Variants in ECPAS observed in about 807,000 individuals in gnomAD.
The protein encoded by ECPAS is Ecm29 proteasome adaptor and scaffold.
ECPAS carries 70 observed loss-of-function variants against 255.1 expected under a neutral mutation model. The observed-to-expected ratio is 0.27, with a 90% CI of 0.23 to 0.33. The LOEUF (loss-of-function observed/expected upper bound fraction) is 0.33. Ranked by LOEUF, ECPAS falls within the 10% of genes least tolerant of loss-of-function variation. The pLI, the probability that ECPAS is intolerant of heterozygous loss-of-function variation, is 1.00. For synonymous variants in ECPAS, 784 were observed against 775.0 expected, an observed-to-expected ratio of 1.01 and a Z score of -0.19; for missense variants, 1,817 against 2,206.4, an observed-to-expected ratio of 0.82 and a Z score of 3.54.
chr9:111,434,546 T>A (rs1233802244), intron 7 of ECPAS, among the ~76,000 whole-genome samples: 2 of 151,480 alleles, frequency 1.3e-5, no homozygotes, highest in Non-Finnish European at 2.9e-5. Context: ...AGCAAAACTG[T>A]AGACAGATGA....
intron 2 of ECPAS, among the ~76,000 whole-genome samples, chr9:111,451,899 CA>C (rs1276854379): frequency 1.3e-5 from 2 of 152,214 alleles, no homozygotes. Flanking sequence ...AAACTTTAAT[CA>C]GATACCATCA....
chr9:111,454,256 A>G (rs1299420200), intron 2 of ECPAS, among the ~76,000 whole-genome samples: 2 of 145,276 alleles, frequency 1.4e-5, no homozygotes, highest in East Asian at 4.4e-4. Flanking sequence ...AACTCTTCAT[A>G]ATAAACTGAC....
At chr9:111,467,725 ATT>A (rs1312350884) in intron 2 of ECPAS, among the ~76,000 whole-genome samples, 2 of 152,226 alleles carry the variant, frequency 1.3e-5, no homozygotes, top group Non-Finnish European at 2.9e-5. Flanking sequence ...AGAAAGAAAT[ATT>A]CTCTCTAATG....
intron 2 of ECPAS, among the ~76,000 whole-genome samples, chr9:111,464,040 C>G (rs1589229488): frequency 6.6e-6 from 1 of 152,146 alleles, no homozygotes; most frequent in Non-Finnish European, 1.5e-5. Flanking sequence ...AATAAATTAA[C>G]AGTGATAGTT....
rs1282400347 is a variant in ECPAS, at chr9:111,480,287, C to CTTTTTT, written c.-83+3828_-83+3829insAAAAAA. On this transcript the variant is annotated intron_variant, in intron 1 of 49. Coordinates refer to ENST00000684092, the MANE Select transcript of ECPAS (RefSeq NM_001364929.1). Reference sequence around the variant, plus strand: ...TTTTTAGTGGAATTCTTAAAAGCACCTTTTCTTTTTTTTTTTTTTTTTTTT... The same window carrying CTTTTTT: ...TTTTTAGTGGAATTCTTAAAAGCACCTTTTTTTTTTCTTTTTTTTTTTTTTTTTTTT... Among the ~76,000 whole-genome samples, 4 of 113,696 alleles carry CTTTTTT rather than the reference C, an allele frequency of 3.5e-5. 1 individual carries two copies. The highest frequency in any genetic ancestry group is 1.4e-4 in the African/African-American group (4 of 29,440). The allele number at this position is 113,696 out of a possible 152,430, so 74.6% of individuals were successfully genotyped here. A position where few individuals can be genotyped will look rare whatever the true frequency, so the allele number is the denominator to read the frequency against.
chr9:111,403,016 C>T (rs541126120), intron 24 of ECPAS, among the ~76,000 whole-genome samples: 1 of 151,964 alleles, frequency 6.6e-6, no homozygotes, highest in Non-Finnish European at 1.5e-5. Context: ...TACAGAATGG[C>T]TCAATGAATA....
At chr9:111,426,761 G>A (rs1329026370) in intron 10 of ECPAS, among the ~76,000 whole-genome samples, 9 of 151,672 alleles carry the variant, frequency 5.9e-5, no homozygotes, top group Admixed American at 5.3e-4. Flanking sequence ...GAGCCCAGGA[G>A]TTCTAGACCA....
chr9:111,391,054 G>A (rs2098159072), intron 29 of ECPAS, among the ~76,000 whole-genome samples: 1 of 152,092 alleles, frequency 6.6e-6, no homozygotes, highest in South Asian at 2.1e-4. Flanking sequence ...GGACATAAAG[G>A]GCCAGGCTCC....
chr9:111,375,102 A>G lies in ECPAS; in HGVS notation c.4110+11T>C. On this transcript the variant is annotated intron_variant, in intron 38 of 49. Coordinates refer to ENST00000684092, the MANE Select transcript of ECPAS (RefSeq NM_001364929.1). ...AAGATGCACATTTCCTCTTGTGGAAAGTACACTTACCTTAGTTCCAAGACC... is the reference window on the plus strand; with the variant it reads ...AAGATGCACATTTCCTCTTGTGGAAGGTACACTTACCTTAGTTCCAAGACC... The G allele has an allele frequency of 1.3e-6, 2 of 1,594,222 alleles. No homozygotes were observed. Among genetic ancestry groups the G allele is most frequent in the East Asian group, 2.2e-5 (1 of 44,648 alleles).
At chr9:111,469,822 A>G (rs1310158337) in intron 2 of ECPAS, among the ~76,000 whole-genome samples, 1 of 151,758 alleles carries the variant, frequency 6.6e-6, no homozygotes, top group South Asian at 2.1e-4. Flanking sequence ...AAAAAAAAAG[A>G]CGCCATCTCA....
At chr9:111,363,792 T>TC (rs1489830142) in intron 48 of ECPAS, 133 bp from the exon 49 acceptor site, 1 of 564,260 alleles carries the variant, frequency 1.8e-6, no homozygotes. Context: ...TTTTTTTTTT[T>TC]AAAGGAAGCT....
chr9:111,448,106 A>C (rs1468349512), intron 3 of ECPAS, among the ~76,000 whole-genome samples: 1 of 152,232 alleles, frequency 6.6e-6, no homozygotes, highest in African/African-American at 2.4e-5. Context: ...ATTTGATTAC[A>C]TATTACATGC....
chr9:111,389,802 C>T, intron 30 of ECPAS, 79 bp from the exon 31 acceptor site: 1 of 1,417,796 alleles, frequency 7.1e-7, no homozygotes, highest in East Asian at 2.4e-5. Context: ...TCCCTCCAAA[C>T]TTATGCCTAA....
In ECPAS at chr9:111,392,863, T is replaced by C; in HGVS notation, c.2997A>G (p.Ala999=). Residue 999 remains alanine, a synonymous_variant, in exon 28 of 50, where the codon GCA becomes GCG. Coordinates refer to ENST00000684092, the MANE Select transcript of ECPAS (RefSeq NM_001364929.1). ...SENDELSQDV[A]SKGLGLVYEL... ...CATAAACCAACCCAAGGCCCTTTGA[T>C]GCAACATCTTGGCTAAGTTCTACAA... The C allele has an allele frequency of 6.2e-7, 1 of 1,611,596 alleles. No individual in the cohort carries two copies.
At chr9:111,420,538 T>A (rs1264411858) in intron 15 of ECPAS, among the ~76,000 whole-genome samples, 4 of 152,168 alleles carry the variant, frequency 2.6e-5, no homozygotes, top group Non-Finnish European at 2.9e-5. Context: ...TGGCAGAAAT[T>A]ACAAACAGAG....
At chr9:111,363,804 C>T (rs1343967414) in intron 48 of ECPAS, 145 bp from the exon 49 acceptor site, 3 of 569,258 alleles carry the variant, frequency 5.3e-6, no homozygotes, top group Admixed American at 3.7e-5. Context: ...AAGGAAGCTT[C>T]CCTTTGCTAA....
intron 29 of ECPAS, among the ~76,000 whole-genome samples, chr9:111,391,484 G>T (rs2098160073): frequency 6.6e-6 from 1 of 151,938 alleles, no homozygotes; most frequent in Non-Finnish European, 1.5e-5. Flanking sequence ...AGCTGAGGTA[G>T]GAGAATCTAT....
chr9:111,417,925 C>G lies in ECPAS; in HGVS notation c.1641G>C (p.Gln547His), dbSNP rs2098206767. Residue 547 changes from glutamine (Q) to histidine (H), a missense_variant, in exon 17 of 50, where the codon CAG becomes CAC. Physicochemically the swap from Gln to His is conservative, Grantham distance 24. This residue lies in a region of ECPAS where 573 missense variants were observed against 716.2 expected (regional missense o/e 0.80). Coordinates refer to ENST00000684092, the MANE Select transcript of ECPAS (RefSeq NM_001364929.1). ...AAACCATTTCTGGGAAGGAAGGCAT[C>G]TGCTCAGAAGTACTTTCTTTTCTGT... ...GRNRKESTSE[Q>H]MPSFPEMVYY... is the part of the protein sequence containing the mutation. 1 of 1,590,752 alleles carries G rather than the reference C, an allele frequency of 6.3e-7. No individual in the cohort carries two copies. The highest frequency in any genetic ancestry group is 8.6e-7 in the Non-Finnish European group (1 of 1,167,458).
rs1564493237 is a variant in ECPAS at position 111,366,632 on chromosome 9, G to A, written c.5114-5C>T. 6.2e-7 allele frequency: 1 copy of A among 1,601,138 alleles called. No individual in the cohort carries two copies. Among genetic ancestry groups the A allele is most frequent in the Admixed American group, 1.7e-5 (1 of 59,738 alleles). On this transcript the variant is annotated splice_polypyrimidine_tract_variant and splice_region_variant and intron_variant, in intron 46 of 49. Transcript: ENST00000684092. The stretch of plus-strand genomic sequence containing the variant: ...ACAGCTCCTGACGATAACAACCTGG[G>A]AAAAAAAGACAAGGTGGGACAGAGC...
Sources: gnomAD v4.1 joint callset for allele counts (sites outside exome capture counted in the v4.1 genomes callset) on GRCh38, gnomAD v4.1.1 for gene constraint, gnomAD v4.1.1 regional missense constraint, MANE v1.5 for transcripts, NCBI Gene and HGNC (gene_info 2026-07-23, HGNC 2026-07-21) for gene names.